The following RIC1 variants were observed in gnomAD, a reference collection of about 807,000 sequenced individuals.
RIC1 encodes guanine nucleotide exchange factor subunit RIC1.
In RIC1, 88 loss-of-function variants were observed where a neutral mutation model predicts 169.0. The ratio of observed to expected loss-of-function variants is 0.52; its 90% CI spans 0.44 to 0.62. The LOEUF (loss-of-function observed/expected upper bound fraction) is 0.62. RIC1 is among the 20% of genes least tolerant of loss of function. The pLI, the probability that RIC1 is intolerant of heterozygous loss-of-function variation, is 0.00. For missense variants in RIC1, 1,877 were observed against 1,725.5 expected (o/e 1.09, Z -1.56); for synonymous variants, 790 against 601.5 (o/e 1.31, Z -4.59).
chr9:5,654,315 T>G (rs1378947203), intron 1 of RIC1, among the ~76,000 whole-genome samples: 1 of 152,082 alleles, frequency 6.6e-6, no homozygotes, highest in East Asian at 1.9e-4. Context: ...GGTGTGGTCT[T>G]GACTCACTGC....
At chr9:5,772,301 G>C (rs932403530) in intron 23 of RIC1, among the ~76,000 whole-genome samples, 2 of 152,150 alleles carry the variant, frequency 1.3e-5, no homozygotes, top group African/African-American at 4.8e-5. Flanking sequence ...TCAAACTCTA[G>C]CTAGATTTTA....
intron 2 of RIC1, among the ~76,000 whole-genome samples, chr9:5,668,171 A>T (rs989667124): frequency 1.1e-4 from 16 of 152,198 alleles, no homozygotes; most frequent in Non-Finnish European, 2.4e-4. Flanking sequence ...CTCACTCATT[A>T]TCACGAGAAC....
rs1434825591 is a variant in RIC1, at chr9:5,677,743, T to A, written c.253-12216T>A. The stretch of plus-strand genomic sequence containing the variant: ...CAGGAAAAGAATTAGAGCATAGATA[T>A]AAGGGTTATTTTTACTTATAGCATT... On this transcript the variant is annotated intron_variant, in intron 2 of 25. Coordinates refer to ENST00000414202, the MANE Select transcript of RIC1 (RefSeq NM_020829.4). Among the ~76,000 whole-genome samples the A allele has an allele frequency of 2.0e-5, 3 of 152,178 alleles. No individual in the cohort carries two copies. In the East Asian group the frequency reaches 5.8e-4, roughly 29 times the overall value.
In RIC1 at chr9:5,745,983, A is replaced by C. The variant is rs777279235; in HGVS notation, c.1148A>C (p.Gln383Pro). The C allele has an allele frequency of 1.2e-5, 20 of 1,613,732 alleles. No homozygotes were observed. In the Admixed American group the frequency reaches 1.7e-4, roughly 13 times the overall value. Reference sequence around the variant, plus strand: ...TGGGTAATCAGCGGATTTGGTTCTCAAAACACTGAAATTGAGTCTGACCTC... The same window carrying C: ...TGGGTAATCAGCGGATTTGGTTCTCCAAACACTGAAATTGAGTCTGACCTC... ...HLWVISGFGSQNTEIESDLRS... is the reference protein window; with the variant it reads ...HLWVISGFGSPNTEIESDLRS... Residue 383 changes from glutamine (Q) to proline (P), a missense_variant, in exon 11 of 26, where the codon CAA becomes CCA. This residue lies in a region of RIC1 where 1,104 missense variants were observed against 992.0 expected (regional missense o/e 1.11). Coordinates refer to ENST00000414202, the MANE Select transcript of RIC1 (RefSeq NM_020829.4).
intron 4 of RIC1, chr9:5,719,397 G>A (rs1823454996): frequency 6.6e-6 from 1 of 152,234 alleles, no homozygotes; most frequent in Non-Finnish European, 1.5e-5. Context: ...GATAAGTGAT[G>A]AGATCATGCT....
intron 2 of RIC1, among the ~76,000 whole-genome samples, chr9:5,682,271 T>C (rs1193621331): frequency 6.6e-6 from 1 of 152,226 alleles, no homozygotes; most frequent in African/African-American, 2.4e-5. Context: ...CTTTACAATT[T>C]GGCATGTTTT....
At chr9:5,642,246 C>G (rs1019342789) in intron 1 of RIC1, among the ~76,000 whole-genome samples, 1 of 144,912 alleles carries the variant, frequency 6.9e-6, no homozygotes, top group Non-Finnish European at 1.5e-5. Flanking sequence ...AATGGAGTCT[C>G]TCTCTGTGCT....
intron 6 of RIC1, among the ~76,000 whole-genome samples, chr9:5,729,941 GTGAT>G (rs1246956611): frequency 7.2e-5 from 11 of 151,922 alleles, no homozygotes; most frequent in Non-Finnish European, 1.3e-4. Context: ...AGCTGAAAAA[GTGAT>G]TGACTCTTTT....
At chr9:5,695,762 G>C (rs1563907837) in intron 3 of RIC1, among the ~76,000 whole-genome samples, 1 of 151,698 alleles carries the variant, frequency 6.6e-6, no homozygotes, top group Non-Finnish European at 1.5e-5. Context: ...GTAGAGACGG[G>C]GTTTCACTAT....
chr9:5,682,076 G>T (rs1239769532), intron 2 of RIC1, among the ~76,000 whole-genome samples: 1 of 152,122 alleles, frequency 6.6e-6, no homozygotes, highest in African/African-American at 2.4e-5. Context: ...TGAGTTTCCT[G>T]AATACAGCAC....
chr9:5,658,194 G>A (rs568585165), intron 2 of RIC1, among the ~76,000 whole-genome samples: 1 of 152,194 alleles, frequency 6.6e-6, no homozygotes, highest in African/African-American at 2.4e-5. Context: ...TGTTTTTAAA[G>A]CACACTGTAG....
At chr9:5,634,876 A>C (rs1215701949) in intron 1 of RIC1, among the ~76,000 whole-genome samples, 7 of 152,114 alleles carry the variant, frequency 4.6e-5, no homozygotes, top group African/African-American at 1.2e-4. Flanking sequence ...CCTTCTTCTT[A>C]TTTTAATTTT....
At chr9:5,734,389 C>T (rs1824566935) in intron 7 of RIC1, among the ~76,000 whole-genome samples, 2 of 152,042 alleles carry the variant, frequency 1.3e-5, no homozygotes, top group South Asian at 4.2e-4. Context: ...CAGGTGTGAG[C>T]CACTGGGCCC....
intron 2 of RIC1, among the ~76,000 whole-genome samples, chr9:5,678,279 G>C (rs552501438): frequency 1.3e-5 from 2 of 152,146 alleles, no homozygotes; most frequent in Non-Finnish European, 1.5e-5. Context: ...TCAAGTGTTT[G>C]CTATTGTGAA....
At chr9:5,767,230 G>C (rs1826836162) in intron 21 of RIC1, among the ~76,000 whole-genome samples, 1 of 152,170 alleles carries the variant, frequency 6.6e-6, no homozygotes, top group Non-Finnish European at 1.5e-5. Flanking sequence ...TGACACTCTT[G>C]TGACCTATTG....
In RIC1 at chr9:5,776,140, C is replaced by G. The variant is rs1200093761; in HGVS notation, c.*1894C>G. The G allele has an allele frequency of 2.0e-5, 3 of 152,124 alleles. No individual in the cohort carries two copies. In the East Asian group the frequency reaches 5.8e-4, roughly 29 times the overall value. 9.4% of individuals were successfully genotyped at this position (152,124 alleles called of 1,614,324 possible). On this transcript the variant is annotated 3_prime_UTR_variant, in exon 26 of 26. Coordinates refer to ENST00000414202, the MANE Select transcript of RIC1 (RefSeq NM_020829.4). ...CTCAAACATTCTTGAAAGCAGGGCACCAGTATAAGTTAACTGTATTCCTGT... is the reference window on the plus strand; with the variant it reads ...CTCAAACATTCTTGAAAGCAGGGCAGCAGTATAAGTTAACTGTATTCCTGT...
intron 21 of RIC1, among the ~76,000 whole-genome samples, chr9:5,767,911 C>G (rs770188495): frequency 7.9e-5 from 12 of 152,186 alleles, no homozygotes; most frequent in Admixed American, 7.2e-4. Context: ...TTAACAAGTG[C>G]TTACTACATG....
At chr9:5,648,098 T>G (rs1818621437) in intron 1 of RIC1, among the ~76,000 whole-genome samples, 1 of 152,038 alleles carries the variant, frequency 6.6e-6, no homozygotes, top group Admixed American at 6.5e-5. Flanking sequence ...TTCTTCTGCC[T>G]CAGCCTCCCA....
Position 5,634,752 on chromosome 9 carries a change from C to G in RIC1, c.144+5299C>G, listed in dbSNP as rs77076732. On this transcript the variant is annotated intron_variant, in intron 1 of 25. Transcript: ENST00000414202. ...TACTTGTTTATTTTTGCTTTTGTCA[C>G]CTGTGCTTTCCATGTCATCCAAAAT... is the stretch of plus-strand genomic sequence containing the variant. 1.9e-3 allele frequency among the ~76,000 whole-genome samples: 283 copies of G among 152,178 alleles called. 1 individual carries two copies. Among genetic ancestry groups the G allele is most frequent in the African/African-American group, 6.7e-3 (277 of 41,500 alleles).
Sources: allele counts gnomAD v4.1 joint callset (sites outside exome capture counted in the v4.1 genomes callset), GRCh38; gene constraint gnomAD v4.1.1; regional missense constraint gnomAD v4.1.1; transcripts MANE v1.5; gene names NCBI Gene and HGNC (gene_info 2026-07-23, HGNC 2026-07-21).